Variants in ADGRV1 observed in about 807,000 individuals in gnomAD.
The protein encoded by ADGRV1 is G-protein coupled receptor 98.
ADGRV1 carries 359 observed loss-of-function variants against 596.2 expected under a neutral mutation model. The ratio of observed to expected loss-of-function variants is 0.60; its 90% CI spans 0.55 to 0.66. The LOEUF is 0.66. Among genes scored for constraint, ADGRV1 ranks in the 30% least tolerant of loss-of-function variants. The pLI, the probability that ADGRV1 is intolerant of heterozygous loss-of-function variation, is 0.00. For missense variants in ADGRV1, 7,274 were observed against 7,575.6 expected (o/e 0.96, Z 1.48); for synonymous variants, 2,681 against 2,679.2 (o/e 1.00, Z -0.02).
chr5:90,650,006 T>G (rs188230477), intron 17 of ADGRV1, among the ~76,000 whole-genome samples: 99 of 152,314 alleles, frequency 6.5e-4, no homozygotes, highest in Non-Finnish European at 1.1e-3. Context: ...TCCAATTACT[T>G]TCGTTAAGAA....
chr5:90,813,628 G>A (rs1762651936), intron 74 of ADGRV1, among the ~76,000 whole-genome samples: 1 of 152,130 alleles, frequency 6.6e-6, no homozygotes, highest in Non-Finnish European at 1.5e-5. Flanking sequence ...CCCTACCATA[G>A]CTACCACTAA....
chr5:90,920,073 A>G (rs1005257204), intron 83 of ADGRV1, among the ~76,000 whole-genome samples: 1 of 151,974 alleles, frequency 6.6e-6, no homozygotes. Flanking sequence ...TCAGGCTGCT[A>G]TAACAAATTA....
At chr5:90,711,352 T>G in intron 41 of ADGRV1, 30 bp downstream of exon 41, 3 of 1,536,488 alleles carry the variant, frequency 2.0e-6, no homozygotes, top group Non-Finnish European at 2.6e-6. Context: ...ACAGATGACT[T>G]TTACAAATTA....
At chr5:90,760,086 A>G (rs1190222999) in intron 58 of ADGRV1, 1 of 153,076 alleles carries the variant, frequency 6.5e-6, no homozygotes, top group East Asian at 1.9e-4. Context: ...CAGCTTGGCC[A>G]ATATGGTGAA....
intron 1 of ADGRV1, among the ~76,000 whole-genome samples, chr5:90,575,516 C>T (rs1345541229): frequency 1.3e-5 from 2 of 152,190 alleles, no homozygotes; most frequent in African/African-American, 4.8e-5. Flanking sequence ...GAATTCTGAG[C>T]TCAGATTGCA....
At chr5:90,570,727 C>T (rs1348964839) in intron 1 of ADGRV1, among the ~76,000 whole-genome samples, 1 of 150,836 alleles carries the variant, frequency 6.6e-6, no homozygotes, top group Non-Finnish European at 1.5e-5. Context: ...CTGTGAATTT[C>T]TCAATGTAGT....
intron 87 of ADGRV1, among the ~76,000 whole-genome samples, chr5:91,105,793 G>A (rs1397059757): frequency 6.6e-6 from 1 of 151,986 alleles, no homozygotes; most frequent in African/African-American, 2.4e-5. Context: ...GTTTCCTGCT[G>A]TGCAGAGGCT....
chr5:90,927,447 G>A (rs1392656098), intron 83 of ADGRV1, among the ~76,000 whole-genome samples: 1 of 152,158 alleles, frequency 6.6e-6, no homozygotes, highest in East Asian at 1.9e-4. Flanking sequence ...TCAGAGACTA[G>A]TATTGCAACC....
At chr5:90,665,541 T>C (rs1249493147) in intron 21 of ADGRV1, among the ~76,000 whole-genome samples, 1 of 151,636 alleles carries the variant, frequency 6.6e-6, no homozygotes, top group Admixed American at 6.6e-5. Context: ...TCTATTTATT[T>C]TGTCGATCCT....
At chr5:90,900,597 G>A (rs1771751521) in intron 83 of ADGRV1, among the ~76,000 whole-genome samples, 1 of 152,090 alleles carries the variant, frequency 6.6e-6, no homozygotes, top group Non-Finnish European at 1.5e-5. Context: ...AAAATTTCGA[G>A]ATCTCTCAAC....
chr5:91,040,329 T>C (rs1785236248), intron 85 of ADGRV1, among the ~76,000 whole-genome samples: 1 of 152,110 alleles, frequency 6.6e-6, no homozygotes, highest in Non-Finnish European at 1.5e-5. Context: ...TAAAATAGAG[T>C]TCCTTCTCAT....
chr5:90,666,830 T>A (rs1771502574), intron 21 of ADGRV1, among the ~76,000 whole-genome samples: 1 of 151,932 alleles, frequency 6.6e-6, no homozygotes, highest in Non-Finnish European at 1.5e-5. Context: ...TCTCAGCATT[T>A]GCTTTTCTGT....
Position 90,689,999 on chromosome 5 carries a change from C to T in ADGRV1, c.6629C>T (p.Thr2210Ile). The T allele has an allele frequency of 6.2e-7, 1 of 1,605,176 alleles. No individual in the cohort carries two copies. The highest frequency in any genetic ancestry group is 1.1e-5 in the South Asian group (1 of 89,422). ...CTTGTGCAACTGATGAATGAAACAA[C>T]AGGAGGAGCCAGACTAGGGGCTTTA... is the stretch of plus-strand genomic sequence containing the variant. ...SFLVQLMNET[T>I]GGARLGALTE... The change falls in exon 30 of 90, where the codon ACA (threonine) becomes ATA (isoleucine). Residue 2210 changes from threonine to isoleucine, a missense_variant. Physicochemically the swap from Thr to Ile is moderately conservative, Grantham distance 89. Coordinates refer to ENST00000405460, the MANE Select transcript of ADGRV1 (RefSeq NM_032119.4).
At chr5:90,703,379 A>G (rs904303876) in intron 34 of ADGRV1, among the ~76,000 whole-genome samples, 3 of 152,066 alleles carry the variant, frequency 2.0e-5, no homozygotes, top group Middle Eastern at 3.2e-3. Flanking sequence ...GTTCTGGTGC[A>G]TGTTTTGGAG....
intron 83 of ADGRV1, among the ~76,000 whole-genome samples, chr5:90,888,651 A>G (rs530425933): frequency 6.6e-6 from 1 of 152,224 alleles, no homozygotes; most frequent in East Asian, 1.9e-4. Flanking sequence ...ATTGTACTGC[A>G]GATTTGCTTA....
chr5:90,593,250 G>T (rs1012667911), intron 1 of ADGRV1, among the ~76,000 whole-genome samples: 1 of 152,040 alleles, frequency 6.6e-6, no homozygotes, highest in Non-Finnish European at 1.5e-5. Context: ...GCACATATAC[G>T]CCATGGAATA....
chr5:91,146,904 G>A (rs1346142310), intron 87 of ADGRV1, among the ~76,000 whole-genome samples: 1 of 152,196 alleles, frequency 6.6e-6, no homozygotes, highest in Admixed American at 6.5e-5. Flanking sequence ...GCTTGCACCT[G>A]TAATCCCAGC....
intron 83 of ADGRV1, among the ~76,000 whole-genome samples, chr5:90,943,039 A>T (rs1189753047): frequency 1.3e-5 from 2 of 152,160 alleles, no homozygotes; most frequent in South Asian, 4.1e-4. Context: ...AGATTTGATG[A>T]CTGACTAAAC....
At chr5:90,905,932 A>C (rs1313693560) in intron 83 of ADGRV1, among the ~76,000 whole-genome samples, 2 of 151,972 alleles carry the variant, frequency 1.3e-5, no homozygotes, top group East Asian at 3.9e-4. Context: ...GAGAGTTTTT[A>C]TTATGAAGGA....
Sources: allele counts gnomAD v4.1 joint callset (sites outside exome capture counted in the v4.1 genomes callset), GRCh38; gene constraint gnomAD v4.1.1; transcripts MANE v1.5; gene names NCBI Gene and HGNC (gene_info 2026-07-23, HGNC 2026-07-21).